The following ANK3 variants were observed in gnomAD, a reference collection of about 807,000 sequenced individuals.
ANK3 encodes ankyrin-3.
Under a neutral mutation model 370.9 loss-of-function variants are expected in ANK3, and 57 were observed. That is an observed-to-expected ratio of 0.15 (90% confidence interval 0.12 to 0.19). ANK3 has a LOEUF of 0.19. Among genes scored for constraint, ANK3 ranks in the 10% least tolerant of loss-of-function variants. The pLI is 1.00. For missense variants in ANK3, 4,439 were observed against 5,302.1 expected, an observed-to-expected ratio of 0.84 and a Z score of 5.06; for synonymous variants, 1,929 against 1,946.3, an observed-to-expected ratio of 0.99 and a Z score of 0.23.
At chr10:60,542,030 A>G (rs2076860348) in intron 2 of ANK3, among the ~76,000 whole-genome samples, 1 of 151,888 alleles carries the variant, frequency 6.6e-6, no homozygotes, top group Admixed American at 6.6e-5. Context: ...ACTAATTTGT[A>G]GTTTGAGAAT....
chr10:60,148,261 T>C (rs1172582754), intron 23 of ANK3, among the ~76,000 whole-genome samples: 1 of 152,142 alleles, frequency 6.6e-6, no homozygotes, highest in Non-Finnish European at 1.5e-5. Flanking sequence ...CCAGTTTGAT[T>C]CTTTTTCTAC....
chr10:60,678,455 A>G (rs2079154694), intron 1 of ANK3, among the ~76,000 whole-genome samples: 1 of 152,184 alleles, frequency 6.6e-6, no homozygotes, highest in African/African-American at 2.4e-5. Context: ...TCTAGATAAG[A>G]TTATATGTAC....
chr10:60,390,388 A>G (rs1039185522), upstream of ANK3, among the ~76,000 whole-genome samples: 2 of 152,120 alleles, frequency 1.3e-5, no homozygotes, highest in Admixed American at 6.6e-5. Flanking sequence ...CTCTCCTCTC[A>G]TGGGGTCTGA....
chr10:60,318,811 T>C lies in ANK3; in HGVS notation c.115-39172A>G, dbSNP rs115078123. ...GACACAAAACATCATCTCTTAATGC[T>C]GATAGTGATAGGATACTTAAATAAC... On this transcript the variant is annotated intron_variant, in intron 1 of 43. Transcript: ENST00000280772. 2.7e-3 allele frequency among the ~76,000 whole-genome samples: 418 copies of C among 152,322 alleles called. 3 individuals are homozygous for C. Among genetic ancestry groups the C allele is most frequent in the African/African-American group, 9.8e-3 (406 of 41,580 alleles).
intron 23 of ANK3, among the ~76,000 whole-genome samples, chr10:60,153,914 T>C (rs1247168798): frequency 3.3e-5 from 5 of 152,186 alleles, no homozygotes; most frequent in African/African-American, 1.2e-4. Flanking sequence ...TTCATCTTGC[T>C]TCATCTCAGA....
chr10:60,196,279 AG>A (rs756586361), intron 15 of ANK3, 36 bp from the exon 16 acceptor site: 37 of 1,579,202 alleles, frequency 2.3e-5, no homozygotes, highest in African/African-American at 5.4e-5. Flanking sequence ...CCAGTGTCAA[AG>A]GTGTCTTAAA....
At chr10:60,369,703 T>A (rs1362988972) in intron 1 of ANK3, among the ~76,000 whole-genome samples, 1 of 152,224 alleles carries the variant, frequency 6.6e-6, no homozygotes, top group Non-Finnish European at 1.5e-5. Context: ...AGTAGATACC[T>A]GTTTCATCTT....
Position 60,104,161 on chromosome 10 carries a change from G to A in ANK3, c.3328+1744C>T, listed in dbSNP as rs547433133. 2.6e-5 allele frequency among the ~76,000 whole-genome samples: 4 copies of A among 151,742 alleles called. No homozygotes were observed. In the South Asian group the frequency reaches 8.3e-4, roughly 32 times the overall value. ...TTGAACCTGGGTGAAAGAATAATTT[G>A]TATAATAAACACCTGCAATACAAGT... is the stretch of plus-strand genomic sequence containing the variant. On this transcript the variant is annotated intron_variant, in intron 28 of 43. Transcript: ENST00000280772.
At chr10:60,396,664 G>T (rs2063246696) in intron 2 of ANK3, among the ~76,000 whole-genome samples, 1 of 152,124 alleles carries the variant, frequency 6.6e-6, no homozygotes, top group Admixed American at 6.5e-5. Flanking sequence ...TCTATGAAAT[G>T]ATTTCTTCTG....
intron 1 of ANK3, among the ~76,000 whole-genome samples, chr10:60,697,289 G>A (rs1464288639): frequency 6.6e-6 from 1 of 151,694 alleles, no homozygotes; most frequent in Non-Finnish European, 1.5e-5. Flanking sequence ...CCATGCTCAT[G>A]GGTAGGAAAA....
At chr10:60,306,785 T>A (rs1421072850) in intron 1 of ANK3, among the ~76,000 whole-genome samples, 1 of 152,238 alleles carries the variant, frequency 6.6e-6, no homozygotes, top group African/African-American at 2.4e-5. Flanking sequence ...GATATTGCTG[T>A]GTCTAGAATT....
At chr10:60,499,678 G>C (rs2075748598) in intron 2 of ANK3, among the ~76,000 whole-genome samples, 1 of 152,132 alleles carries the variant, frequency 6.6e-6, no homozygotes, top group African/African-American at 2.4e-5. Flanking sequence ...ACACTGACAG[G>C]ATCAGAATGC....
At chr10:60,384,407 G>A (rs1009510933) in intron 1 of ANK3, among the ~76,000 whole-genome samples, 1 of 152,140 alleles carries the variant, frequency 6.6e-6, no homozygotes, top group Admixed American at 6.5e-5. Flanking sequence ...AGTTTCACAT[G>A]TCTAGAAAAT....
At chr10:60,248,433 A>T (rs1027302450) in intron 7 of ANK3, among the ~76,000 whole-genome samples, 1 of 152,164 alleles carries the variant, frequency 6.6e-6, no homozygotes, top group African/African-American at 2.4e-5. Flanking sequence ...CAGAGTTTCC[A>T]TAATTCCATA....
In ANK3 at chr10:60,082,694, A is replaced by T. The variant is rs775984786; in HGVS notation, c.4244T>A (p.Leu1415Gln). The change falls in exon 34 of 44, where the codon CTG (leucine) becomes CAG (glutamine). Residue 1415 changes from leucine to glutamine, a missense_variant. This residue lies in a region of ANK3 where 702 missense variants were observed against 941.5 expected (regional missense o/e 0.75). Transcript: ENST00000280772. ...SQEPCGRLSF[L>Q]KEPKTTKGLP... The stretch of plus-strand genomic sequence containing the variant: ...TCCTTTTGTTGTCTTTGGTTCTTTC[A>T]GAAAAGACAGACGACCACAGGGCTC... 1.9e-6 allele frequency: 3 copies of T among 1,614,122 alleles called. No homozygotes were observed. Among genetic ancestry groups the T allele is most frequent in the Non-Finnish European group, 2.5e-6 (3 of 1,179,966 alleles).
intron 10 of ANK3, 73 bp from the exon 11 acceptor site, chr10:60,205,963 A>T (rs2096756437): frequency 1.0e-6 from 1 of 968,796 alleles, no homozygotes. Context: ...TGCAGTAAAT[A>T]GTTTTGCTAA....
Position 60,027,687 on chromosome 10 carries a change from T to C in ANK3, c.*2159A>G, listed in dbSNP as rs1431919744. 1 of 152,216 alleles carries C rather than the reference T, an allele frequency of 6.6e-6. No homozygotes were observed. Among genetic ancestry groups the C allele is most frequent in the Non-Finnish European group, 1.5e-5 (1 of 68,040 alleles). 9.4% of individuals were successfully genotyped at this position (152,216 alleles called of 1,614,324 possible). ...ATAGCATGTAGTGAGCACTCCAGTT[T>C]TAGTGATGATGATCACAGTTACTAC... On this transcript the variant is annotated 3_prime_UTR_variant, in exon 44 of 44. Transcript: ENST00000280772.
intron 23 of ANK3, among the ~76,000 whole-genome samples, chr10:60,166,295 A>G (rs2095622830): frequency 6.6e-6 from 1 of 152,178 alleles, no homozygotes; most frequent in African/African-American, 2.4e-5. Context: ...GATGCAAACA[A>G]TAAAAGCATC....
intron 7 of ANK3, among the ~76,000 whole-genome samples, chr10:60,247,958 C>T (rs956111794): frequency 6.6e-6 from 1 of 152,164 alleles, no homozygotes; most frequent in Non-Finnish European, 1.5e-5. Context: ...TGAGCCACTG[C>T]GCCTGGCCAG....
Sources: allele counts gnomAD v4.1 joint callset (sites outside exome capture counted in the v4.1 genomes callset), GRCh38; gene constraint gnomAD v4.1.1; regional missense constraint gnomAD v4.1.1; transcripts MANE v1.5; gene names NCBI Gene and HGNC (gene_info 2026-07-23, HGNC 2026-07-21).